SCAF8: variants seen among roughly 807,000 people sequenced by gnomAD.
SCAF8 encodes SR-related and CTD-associated factor 8.
SCAF8 carries 23 observed loss-of-function variants against 140.5 expected under a neutral mutation model. The ratio of observed to expected loss-of-function variants is 0.16; its 90% CI spans 0.12 to 0.23. The LOEUF is 0.23. SCAF8 is among the 10% of genes least tolerant of loss of function. The pLI is 1.00. For missense variants in SCAF8, 1,397 were observed against 1,555.7 expected (o/e 0.90, Z 1.72); for synonymous variants, 575 against 528.9 (o/e 1.09, Z -1.20).
intron 4 of SCAF8, 79 bp from the exon 5 acceptor site, chr6:154,792,744 C>A: frequency 1.1e-6 from 1 of 925,024 alleles, no homozygotes; most frequent in Non-Finnish European, 1.6e-6. Flanking sequence ...CCATCCAGGG[C>A]CCAGATAGCC....
chr6:154,737,364 T>A (rs1778449797), intron 1 of SCAF8, among the ~76,000 whole-genome samples: 1 of 152,218 alleles, frequency 6.6e-6, no homozygotes, highest in Non-Finnish European at 1.5e-5. Context: ...ACAAGATATT[T>A]TGATACTTCA....
At chr6:154,749,533 T>G (rs906546216) in intron 1 of SCAF8, among the ~76,000 whole-genome samples, 1 of 152,162 alleles carries the variant, frequency 6.6e-6, no homozygotes, top group African/African-American at 2.4e-5. Context: ...AAAAGTAATA[T>G]GAGGAGCATT....
chr6:154,833,325 A>G lies in SCAF8; in HGVS notation c.3746A>G (p.Glu1249Gly), dbSNP rs1378739055. The G allele has an allele frequency of 6.2e-7, 1 of 1,614,002 alleles. No individual in the cohort carries two copies. The highest frequency in any genetic ancestry group is 1.1e-5 in the South Asian group (1 of 91,066). The change falls in exon 20 of 20, where the codon GAG (glutamate) becomes GGG (glycine). Residue 1249 changes from glutamate to glycine, a missense_variant. Physicochemically the swap from Glu to Gly is moderately conservative, Grantham distance 98. Transcript: ENST00000367178. The stretch of plus-strand genomic sequence containing the variant: ...ACATCTTCAAATGAAATAAACAAGG[A>G]GAAGAGTGACACAGTTGCTGATATA... Reference protein sequence around the residue: ...KLTSSNEINKEKSDTVADIES... With the variant: ...KLTSSNEINKGKSDTVADIES...
intron 3 of SCAF8, among the ~76,000 whole-genome samples, chr6:154,785,017 C>G (rs9397747): frequency 2.0e-5 from 3 of 151,888 alleles, no homozygotes; most frequent in African/African-American, 7.3e-5. Context: ...TGTGTCACGT[C>G]CTTGCTTGAC....
At chr6:154,798,940 C>T (rs562252500) in intron 6 of SCAF8, among the ~76,000 whole-genome samples, 1 of 151,350 alleles carries the variant, frequency 6.6e-6, no homozygotes, top group African/African-American at 2.4e-5. Flanking sequence ...GCTGGGACTA[C>T]ACCTGTAGCC....
At chr6:154,765,511 A>G (rs1224419053) in intron 1 of SCAF8, among the ~76,000 whole-genome samples, 2 of 152,260 alleles carry the variant, frequency 1.3e-5, no homozygotes, top group East Asian at 3.8e-4. Flanking sequence ...CAACGAAACT[A>G]GTTAAATATA....
chr6:154,810,484 G>A (rs1324468246), intron 12 of SCAF8, among the ~76,000 whole-genome samples: 1 of 151,864 alleles, frequency 6.6e-6, no homozygotes. Context: ...AGACTAGGCT[G>A]GTATCTGTAG....
chr6:154,766,862 A>G (rs1432156106), intron 1 of SCAF8, among the ~76,000 whole-genome samples: 1 of 151,870 alleles, frequency 6.6e-6, no homozygotes, highest in East Asian at 1.9e-4. Flanking sequence ...TTCCAGACTT[A>G]TATGATGTTC....
At chr6:154,742,671 T>G (rs1778600362) in intron 1 of SCAF8, among the ~76,000 whole-genome samples, 1 of 152,218 alleles carries the variant, frequency 6.6e-6, no homozygotes, top group Non-Finnish European at 1.5e-5. Flanking sequence ...CCTTTAAACT[T>G]AAGGAAGGCT....
intron 19 of SCAF8, among the ~76,000 whole-genome samples, chr6:154,831,697 T>C (rs1462080776): frequency 3.2e-5 from 3 of 94,706 alleles, no homozygotes; most frequent in African/African-American, 1.3e-4. Context: ...CCTCCACTCC[T>C]GTTCTTAAAA....
chr6:154,769,625 T>C (rs936854485), intron 1 of SCAF8, among the ~76,000 whole-genome samples: 13 of 152,230 alleles, frequency 8.5e-5, no homozygotes, highest in African/African-American at 2.9e-4. Context: ...AAGTTTTCTA[T>C]ACGATGTTTC....
At chr6:154,807,999 C>T in intron 9 of SCAF8, 71 bp from the exon 10 acceptor site, 1 of 1,342,050 alleles carries the variant, frequency 7.5e-7, no homozygotes, top group Admixed American at 2.2e-5. Flanking sequence ...GTGATGTTTG[C>T]TGTGTTTACA....
At position 154,834,111 on chromosome 6, in the gene SCAF8, AATTATT is replaced by A. The variant is rs1486643477; in HGVS notation, c.*721_*726del. Reference sequence around the variant, plus strand: ...TAACCTATAAATTCTTAAAACCTTGAATTATTATTAGCATGTGCTTATTTTTTGCAA... The same window carrying A: ...TAACCTATAAATTCTTAAAACCTTGAATTAGCATGTGCTTATTTTTTGCAA... On this transcript the variant is annotated 3_prime_UTR_variant, in exon 20 of 20. Coordinates refer to ENST00000367178, the MANE Select transcript of SCAF8 (RefSeq NM_014892.5). The A allele has an allele frequency of 6.6e-6, 1 of 152,334 alleles. No individual in the cohort carries two copies. Among genetic ancestry groups the A allele is most frequent in the East Asian group, 1.9e-4 (1 of 5,196 alleles). The allele number at this position is 152,334 out of a possible 1,614,324, so 9.4% of individuals were successfully genotyped here. A position where few individuals can be genotyped will look rare whatever the true frequency, so the allele number is the denominator to read the frequency against.
intron 1 of SCAF8, among the ~76,000 whole-genome samples, chr6:154,750,179 G>A (rs183471555): frequency 3.3e-5 from 5 of 152,068 alleles, no homozygotes; most frequent in Admixed American, 1.3e-4. Flanking sequence ...CACTGTGGAC[G>A]GAGGCTTAAA....
Position 154,769,036 on chromosome 6 carries a change from G to A in SCAF8, c.31-4953G>A, listed in dbSNP as rs545711315. Among the ~76,000 whole-genome samples, 6 of 137,894 alleles carry A rather than the reference G, an allele frequency of 4.4e-5. No homozygotes were observed. In the East Asian group the frequency reaches 8.6e-4, roughly 20 times the overall value. The allele number at this position is 137,894 out of a possible 152,430, so 90.5% of individuals were successfully genotyped here. ...TGAGAACACGCCACTGCACTCCAGC[G>A]TGGGCGACAGAGTGAGACACTGTCT... On this transcript the variant is annotated intron_variant, in intron 1 of 19. Coordinates refer to ENST00000367178, the MANE Select transcript of SCAF8 (RefSeq NM_014892.5).
At chr6:154,796,354 T>TCC (rs71652900) in intron 6 of SCAF8, among the ~76,000 whole-genome samples, 42,973 of 104,226 alleles carry the variant, frequency 0.41, 7,366 homozygotes, top group East Asian at 0.71. Context: ...GCAATCCTGT[T>TCC]CTCTCTCTCT....
chr6:154,751,285 A>G (rs947326106), intron 1 of SCAF8, among the ~76,000 whole-genome samples: 7 of 151,676 alleles, frequency 4.6e-5, no homozygotes, highest in South Asian at 2.1e-4. Flanking sequence ...CTGGAGTGCA[A>G]TGGTGTGATC....
At chr6:154,789,126 G>A (rs1480101153) in intron 4 of SCAF8, among the ~76,000 whole-genome samples, 1 of 151,968 alleles carries the variant, frequency 6.6e-6, no homozygotes, top group African/African-American at 2.4e-5. Context: ...TTATTTTTTT[G>A]AGATGGAGTC....
At chr6:154,748,131 A>G (rs1778751196) in intron 1 of SCAF8, among the ~76,000 whole-genome samples, 2 of 152,122 alleles carry the variant, frequency 1.3e-5, no homozygotes. Context: ...TTTATTTGAA[A>G]GTGATTCTTA....
Sources: gnomAD v4.1 joint callset for allele counts (sites outside exome capture counted in the v4.1 genomes callset) on GRCh38, gnomAD v4.1.1 for gene constraint, MANE v1.5 for transcripts, NCBI Gene and HGNC (gene_info 2026-07-23, HGNC 2026-07-21) for gene names.